The following VPS13A variants were observed in gnomAD, a reference collection of about 807,000 sequenced individuals.
The protein encoded by VPS13A is intermembrane lipid transfer protein VPS13A.
In VPS13A, 264 loss-of-function variants were observed where a neutral mutation model predicts 390.9. That is an observed-to-expected ratio of 0.68 (90% CI 0.61 to 0.75). The LOEUF (loss-of-function observed/expected upper bound fraction) is 0.75. Among genes scored for constraint, VPS13A ranks in the 30% least tolerant of loss-of-function variants. The pLI is 0.00. For missense variants in VPS13A, 3,409 were observed against 3,733.9 expected, an observed-to-expected ratio of 0.91 and a Z score of 2.27; for synonymous variants, 1,231 against 1,227.1, an observed-to-expected ratio of 1.00 and a Z score of -0.07.
intron 61 of VPS13A, 31 bp downstream of exon 61, chr9:77,366,903 T>C: frequency 6.2e-7 from 1 of 1,604,542 alleles, no homozygotes; most frequent in Non-Finnish European, 8.5e-7. Context: ...TGTAAATTGA[T>C]GGAAATATTT....
chr9:77,350,634 T>C (rs1458686908), intron 52 of VPS13A, among the ~76,000 whole-genome samples: 1 of 152,090 alleles, frequency 6.6e-6, no homozygotes, highest in Non-Finnish European at 1.5e-5. Context: ...ACTGTGAGAG[T>C]AACATTTTTA....
intron 33 of VPS13A, among the ~76,000 whole-genome samples, chr9:77,296,457 C>G (rs1170199648): frequency 6.6e-6 from 1 of 151,626 alleles, no homozygotes; most frequent in Non-Finnish European, 1.5e-5. Flanking sequence ...CTCAACTGCC[C>G]TCTTCCTTCT....
At chr9:77,259,100 CTATTT>C (rs1388933458) in intron 22 of VPS13A, among the ~76,000 whole-genome samples, 2 of 152,026 alleles carry the variant, frequency 1.3e-5, no homozygotes, top group African/African-American at 2.4e-5. Flanking sequence ...TATTTGGTTT[CTATTT>C]TATAATATTG....
intron 67 of VPS13A, among the ~76,000 whole-genome samples, chr9:77,377,213 T>G (rs1416066260): frequency 1.1e-4 from 12 of 109,264 alleles, no homozygotes; most frequent in African/African-American, 3.7e-4. Context: ...GTTTTTTTTT[T>G]TTTTTTTTTT....
chr9:77,218,166 T>G (rs1364620989), intron 10 of VPS13A, among the ~76,000 whole-genome samples: 1 of 144,092 alleles, frequency 6.9e-6, no homozygotes, highest in African/African-American at 2.6e-5. Flanking sequence ...CGGGCTGGAG[T>G]GCAGTGGCGC....
chr9:77,211,489 C>A (rs1410650318), intron 7 of VPS13A: 2 of 151,894 alleles, frequency 1.3e-5, no homozygotes, highest in Admixed American at 1.3e-4. Flanking sequence ...TTTGTTGTAT[C>A]TATTGGGTTT....
intron 68 of VPS13A, among the ~76,000 whole-genome samples, chr9:77,402,351 T>G (rs938538202): frequency 6.6e-6 from 1 of 152,196 alleles, no homozygotes; most frequent in African/African-American, 2.4e-5. Flanking sequence ...TAAATAATTT[T>G]AGTTTTTTGG....
At chr9:77,344,408 A>G (rs944398749) in intron 51 of VPS13A, 127 bp downstream of exon 51, 4 of 1,082,984 alleles carry the variant, frequency 3.7e-6, no homozygotes, top group South Asian at 1.4e-5. Flanking sequence ...AAAACGAACA[A>G]ACATTTCTTT....
Position 77,301,494 on chromosome 9 carries a change from G to A in VPS13A, c.3813-1421G>A, listed in dbSNP as rs544546110. ...CATTCATTAAATGGCTTGGTACAAG[G>A]CATTTTGGGAGATCCCTGATGAACT... On this transcript the variant is annotated intron_variant, in intron 33 of 71. Transcript: ENST00000360280. Among the ~76,000 whole-genome samples the A allele has an allele frequency of 7.9e-5, 12 of 152,232 alleles. No individual in the cohort carries two copies. The South Asian group carries it at 2.5e-3, about 32-fold the overall frequency.
chr9:77,202,852 G>C (rs575333340), intron 3 of VPS13A, among the ~76,000 whole-genome samples: 1 of 152,282 alleles, frequency 6.6e-6, no homozygotes, highest in East Asian at 1.9e-4. Flanking sequence ...TTAAGGTGTT[G>C]TGTACCTCTG....
At chr9:77,369,550 C>A (rs1832631524) in intron 63 of VPS13A, 138 bp downstream of exon 63, 1 of 713,534 alleles carries the variant, frequency 1.4e-6, no homozygotes, top group Middle Eastern at 3.7e-4. Context: ...TTGCAGCAAA[C>A]AATGGTAAGA....
At chr9:77,400,848 T>C (rs1488348940) in intron 68 of VPS13A, among the ~76,000 whole-genome samples, 3 of 150,336 alleles carry the variant, frequency 2.0e-5, no homozygotes, top group Non-Finnish European at 4.4e-5. Flanking sequence ...AAAAAAGTTA[T>C]TAAAATGTTA....
chr9:77,179,275 G>A (rs1823853882), intron 1 of VPS13A, among the ~76,000 whole-genome samples: 1 of 152,126 alleles, frequency 6.6e-6, no homozygotes, highest in Admixed American at 6.5e-5. Flanking sequence ...ATACAGTTCT[G>A]TCTTGACAAA....
At chr9:77,247,169 G>T in intron 19 of VPS13A, 90 bp from the exon 20 acceptor site, 2 of 1,100,544 alleles carry the variant, frequency 1.8e-6, no homozygotes, top group East Asian at 2.6e-5. Context: ...TTTACATTAA[G>T]ATTGTTTTAT....
intron 53 of VPS13A, among the ~76,000 whole-genome samples, chr9:77,353,011 G>T (rs563781564): frequency 6.6e-6 from 1 of 152,032 alleles, no homozygotes; most frequent in East Asian, 1.9e-4. Flanking sequence ...TTTTTATCCT[G>T]TTTGATTCAG....
intron 5 of VPS13A, 114 bp from the exon 6 acceptor site, chr9:77,209,309 T>A: frequency 1.4e-6 from 1 of 724,496 alleles, no homozygotes; most frequent in Middle Eastern, 2.7e-4. Context: ...AGTGTTCTAT[T>A]TACATATATA....
chr9:77,187,608 TAC>T (rs34649735), intron 1 of VPS13A, among the ~76,000 whole-genome samples: 51,610 of 147,696 alleles, frequency 0.35, 9,288 homozygotes, highest in East Asian at 0.48. Context: ...CATACAAACA[TAC>T]ACACACACAC....
In VPS13A at chr9:77,247,285, A is replaced by G; in HGVS notation, c.1927A>G (p.Lys643Glu). 6.2e-7 allele frequency: 1 copy of G among 1,602,442 alleles called. No homozygotes were observed. Among genetic ancestry groups the G allele is most frequent in the Non-Finnish European group, 8.5e-7 (1 of 1,173,204 alleles). The stretch of plus-strand genomic sequence containing the variant: ...TCTACTGTATATTATTGAAACACAG[A>G]AAGTTCTTGATCTCAAAATTAATTT... ...TGLLYIIETQ[K>E]VLDLKINLKA... The change falls in exon 20 of 72, where the codon AAA (lysine) becomes GAA (glutamate). Residue 643 changes from lysine (K) to glutamate (E), a missense_variant. By Grantham distance (56) the Lys-to-Glu change is moderately conservative. This residue lies in a region of VPS13A where 2,717 missense variants were observed against 2,917.4 expected (regional missense o/e 0.93). Coordinates refer to ENST00000360280, the MANE Select transcript of VPS13A (RefSeq NM_033305.3).
chr9:77,330,614 A>C (rs999945040), intron 45 of VPS13A, among the ~76,000 whole-genome samples: 3 of 152,192 alleles, frequency 2.0e-5, no homozygotes, highest in African/African-American at 7.2e-5. Context: ...AATTATATTT[A>C]TAATCAGAAA....
Sources: gnomAD v4.1 joint callset for allele counts (sites outside exome capture counted in the v4.1 genomes callset) on GRCh38, gnomAD v4.1.1 for gene constraint, gnomAD v4.1.1 regional missense constraint, MANE v1.5 for transcripts, NCBI Gene and HGNC (gene_info 2026-07-23, HGNC 2026-07-21) for gene names.